The following LRRK1 variants were observed in gnomAD, a reference collection of about 807,000 sequenced individuals.
LRRK1 encodes leucine rich repeat kinase 1.
A neutral mutation model predicts 209.1 loss-of-function variants in LRRK1; 113 were observed. The ratio of observed to expected loss-of-function variants is 0.54; its 90% confidence interval spans 0.46 to 0.63. The LOEUF (loss-of-function observed/expected upper bound fraction) is 0.63, where lower values mean the gene tolerates loss of function less well. Among genes scored for constraint, LRRK1 ranks in the 30% least tolerant of loss-of-function variants. The probability of loss-of-function intolerance (pLI) is 0.00; values close to 1 mark genes in which losing one functional copy is unlikely to be tolerated. For synonymous variants in LRRK1, 1,144 were observed against 1,099.7 expected, an observed-to-expected ratio of 1.04 and a Z score of -0.80; for missense variants, 2,284 against 2,632.2, an observed-to-expected ratio of 0.87 and a Z score of 2.89.
rs1386565028 is a variant in LRRK1 at position 100,973,821 on chromosome 15, G to A, written c.115G>A (p.Gly39Ser). 5.4e-6 allele frequency: 7 copies of A among 1,292,090 alleles called. No individual in the cohort carries two copies. The East Asian group carries it at 1.6e-4, about 29-fold the overall frequency. The allele number at this position is 1,292,090 out of a possible 1,614,324, so 80.0% of individuals were successfully genotyped here. ...ETLNGAGDTG[G>S]KPSTRGGDPA... ...CCGCGCAGGTGCCGGGGACACGGGC[G>A]GCAAGCCGTCCACGCGGGGCGGTGA... The change falls in exon 3 of 34, where the codon GGC (glycine) becomes AGC (serine). Residue 39 changes from glycine (G) to serine (S), a missense_variant. Around this residue, in one of 6 missense-constraint regions of LRRK1, gnomAD observed 174 missense variants for 133.5 expected, o/e 1.30. Transcript: ENST00000388948.
chr15:101,051,286 A>G (rs920875375), intron 23 of LRRK1, among the ~76,000 whole-genome samples: 2 of 152,210 alleles, frequency 1.3e-5, no homozygotes, highest in Non-Finnish European at 2.9e-5. Flanking sequence ...CTGCCCCTGC[A>G]TTGCCCTTCA....
rs193231691 is a variant in LRRK1 at position 101,033,156 on chromosome 15, A to T, written c.2963+3924A>T. On this transcript the variant is annotated intron_variant, in intron 20 of 33. Transcript: ENST00000388948. ...GCTCACATTTCTTTTATCAATACAT[A>T]ATATTTTACGTATTTATGGGGTACA... 4.4e-4 allele frequency among the ~76,000 whole-genome samples: 67 copies of T among 152,204 alleles called. 4 individuals are homozygous for T. In the East Asian group the frequency reaches 7.5e-3, roughly 17 times the overall value.
At chr15:100,953,696 C>T (rs1052912120) in intron 2 of LRRK1, among the ~76,000 whole-genome samples, 3 of 152,018 alleles carry the variant, frequency 2.0e-5, no homozygotes, top group Non-Finnish European at 4.4e-5. Context: ...TGGGTAAATA[C>T]CCAGCAGTGG....
rs1172889541 is a variant in LRRK1, at chr15:101,022,576, G to A, written c.2046G>A (p.Arg682=). 1.2e-6 allele frequency: 2 copies of A among 1,612,362 alleles called. No homozygotes were observed. Among genetic ancestry groups the A allele is most frequent in the Non-Finnish European group, 1.7e-6 (2 of 1,179,620 alleles). ...GGACCACCAAGTGGGAGCTCCAGAGGCCGGCTGGCTCGAGAGCCAAGGTCA... is the reference window on the plus strand; with the variant it reads ...GGACCACCAAGTGGGAGCTCCAGAGACCGGCTGGCTCGAGAGCCAAGGTCA... ...TIRTTKWELQ[R]PAGSRAKVES... is the part of the protein sequence containing the mutation. Residue 682 remains arginine, a synonymous_variant, in exon 15 of 34, where the codon AGG becomes AGA. Coordinates refer to ENST00000388948, the MANE Select transcript of LRRK1 (RefSeq NM_024652.6). This position sits in a 1 kb window ranked among gnomAD's most constrained non-coding sequence, Gnocchi z 4.0.
In LRRK1 at chr15:101,065,677, G is replaced by A; in HGVS notation, c.5240G>A (p.Gly1747Glu). Residue 1747 changes from glycine to glutamate, a missense_variant, in exon 32 of 34, where the codon GGG (glycine) becomes GAG (glutamate). This residue lies in a region of LRRK1 where 643 missense variants were observed against 695.9 expected (regional missense o/e 0.92). Transcript: ENST00000388948. Reference protein sequence around the residue: ...TSVVCSSEGRGEEVVWCLDDK... With the variant: ...TSVVCSSEGREEEVVWCLDDK... ...GTCGTGTGCAGCTCTGAGGGCAGAG[G>A]GGAGGAGGTCGTCTGGTGCCTGGAT... The A allele has an allele frequency of 6.2e-7, 1 of 1,614,134 alleles. No individual in the cohort carries two copies.
intron 2 of LRRK1, among the ~76,000 whole-genome samples, chr15:100,967,325 A>G (rs1244639389): frequency 6.6e-6 from 1 of 152,254 alleles, no homozygotes; most frequent in Non-Finnish European, 1.5e-5. Flanking sequence ...CCAAGACACA[A>G]TAATCTCCAC....
intron 6 of LRRK1, among the ~76,000 whole-genome samples, chr15:101,000,723 C>T (rs1033303479): frequency 6.6e-6 from 1 of 152,186 alleles, no homozygotes; most frequent in Non-Finnish European, 1.5e-5. Flanking sequence ...CCTCTGTTCA[C>T]GTTTCTCCTT....
intron 20 of LRRK1, among the ~76,000 whole-genome samples, chr15:101,031,834 T>A (rs1168233055): frequency 1.3e-5 from 2 of 152,052 alleles, no homozygotes; most frequent in African/African-American, 4.8e-5. Context: ...TCCCGGGTTC[T>A]TGCCATTCTC....
At chr15:101,000,527 A>G (rs1427156685) in intron 6 of LRRK1, among the ~76,000 whole-genome samples, 1 of 152,222 alleles carries the variant, frequency 6.6e-6, no homozygotes, top group East Asian at 1.9e-4. Context: ...CCTGGAGGTC[A>G]GCAGTCCACG....
At chr15:100,974,031 A>G (rs915538359) in intron 3 of LRRK1, 64 bp downstream of exon 3, 2 of 1,205,680 alleles carry the variant, frequency 1.7e-6, no homozygotes, top group East Asian at 3.2e-5. Context: ...GGGACCGCTC[A>G]GATGATTTTC....
intron 12 of LRRK1, 80 bp downstream of exon 12, chr15:101,015,482 G>T: frequency 9.2e-7 from 1 of 1,091,424 alleles, no homozygotes; most frequent in East Asian, 2.6e-5. Context: ...AGTGGGGATC[G>T]CCCTTATCTT....
chr15:101,060,195 G>C (rs1428394472), intron 29 of LRRK1, among the ~76,000 whole-genome samples: 3 of 152,172 alleles, frequency 2.0e-5, no homozygotes, highest in Non-Finnish European at 4.4e-5. Flanking sequence ...CTTGACTTGA[G>C]ATCTGTCTGA....
intron 12 of LRRK1, among the ~76,000 whole-genome samples, chr15:101,015,893 A>G (rs1036396193): frequency 3.3e-5 from 5 of 152,074 alleles, no homozygotes; most frequent in African/African-American, 1.2e-4. Context: ...GGGTGCCAGC[A>G]CTGTCAGGGG....
chr15:101,032,760 T>C (rs572498544), intron 20 of LRRK1, among the ~76,000 whole-genome samples: 2 of 152,350 alleles, frequency 1.3e-5, no homozygotes, highest in East Asian at 1.9e-4. Flanking sequence ...GGAAAGACTT[T>C]CCTTTCCCCA....
Position 101,066,677 on chromosome 15 carries a change from G to T in LRRK1, c.5806G>T (p.Asp1936Tyr), listed in dbSNP as rs1291492431. The change falls in exon 33 of 34, where the codon GAT (aspartate) becomes TAT (tyrosine). Residue 1936 changes from aspartate to tyrosine, a missense_variant. Physicochemically the swap from Asp to Tyr is radical, Grantham distance 160. This residue lies in a region of LRRK1 where 643 missense variants were observed against 695.9 expected (regional missense o/e 0.92). Transcript: ENST00000388948. ...TGTTATCGTCATTGGCCTGGAGAAG[G>T]ATTCTGGCGCCCAGCGGGGCCGAGT... is the stretch of plus-strand genomic sequence containing the variant. Reference protein sequence around the residue: ...GDVIVIGLEKDSGAQRGRVIA... With the variant: ...GDVIVIGLEKYSGAQRGRVIA... 6.2e-7 allele frequency: 1 copy of T among 1,614,222 alleles called. No individual in the cohort carries two copies. The highest frequency in any genetic ancestry group is 1.7e-5 in the Admixed American group (1 of 60,028).
At chr15:100,974,582 C>T (rs1354200803) in intron 3 of LRRK1, among the ~76,000 whole-genome samples, 1 of 152,220 alleles carries the variant, frequency 6.6e-6, no homozygotes, top group Admixed American at 6.5e-5. Flanking sequence ...CTACGTGACA[C>T]TCCATCTAGA....
At chr15:100,948,147 A>G (rs2042578161) in intron 2 of LRRK1, among the ~76,000 whole-genome samples, 2 of 152,174 alleles carry the variant, frequency 1.3e-5, no homozygotes, top group African/African-American at 4.8e-5. Context: ...CCCAGGTGCT[A>G]CCCCCAAAGC....
chr15:100,996,876 T>A (rs563260247), intron 6 of LRRK1, among the ~76,000 whole-genome samples: 1 of 152,082 alleles, frequency 6.6e-6, no homozygotes, highest in Non-Finnish European at 1.5e-5. Flanking sequence ...TTATTTGAAC[T>A]TCAGTGACAA....
chr15:101,015,321 C>T lies in LRRK1; in HGVS notation c.1533-5C>T, dbSNP rs2033480547. On this transcript the variant is annotated splice_region_variant and splice_polypyrimidine_tract_variant and intron_variant, in intron 11 of 33. Coordinates refer to ENST00000388948, the MANE Select transcript of LRRK1 (RefSeq NM_024652.6). ...TCAAATTTTGTCTCTTTTTCCTCCCCCCAGAAATGAAGATGGACTGAAAAC... is the reference window on the plus strand; with the variant it reads ...TCAAATTTTGTCTCTTTTTCCTCCCTCCAGAAATGAAGATGGACTGAAAAC... 1 of 1,612,816 alleles carries T rather than the reference C, an allele frequency of 6.2e-7. No individual in the cohort carries two copies. Among genetic ancestry groups the T allele is most frequent in the Non-Finnish European group, 8.5e-7 (1 of 1,179,148 alleles).
Sources: allele counts gnomAD v4.1 joint callset (sites outside exome capture counted in the v4.1 genomes callset), GRCh38; gene constraint gnomAD v4.1.1; regional missense constraint gnomAD v4.1.1; non-coding constraint Gnocchi (gnomAD v3.1); transcripts MANE v1.5; gene names NCBI Gene and HGNC (gene_info 2026-07-23, HGNC 2026-07-21).